The following GABPB1 variants were observed in gnomAD, a reference collection of about 807,000 sequenced individuals.
The protein encoded by GABPB1 is GA binding protein transcription factor subunit beta 1.
Under a neutral mutation model 45.9 loss-of-function variants are expected in GABPB1, and 15 were observed. The ratio of observed to expected loss-of-function variants is 0.33; its 90% CI spans 0.22 to 0.50. GABPB1 has a LOEUF of 0.50. Among genes scored for constraint, GABPB1 ranks in the 20% least tolerant of loss-of-function variants. The pLI, the probability that GABPB1 is intolerant of heterozygous loss-of-function variation, is 0.98. For missense variants in GABPB1, 252 were observed against 457.5 expected (o/e 0.55, Z 4.10); for synonymous variants, 143 against 154.4 (o/e 0.93, Z 0.55).
At chr15:50,348,459 C>T (rs1175611279) in intron 1 of GABPB1, among the ~76,000 whole-genome samples, 1 of 151,894 alleles carries the variant, frequency 6.6e-6, no homozygotes, top group Non-Finnish European at 1.5e-5. Flanking sequence ...CCATGTTGGC[C>T]AGGCTGGTCT....
At chr15:50,282,308 C>T in intron 8 of GABPB1, 1 of 455,042 alleles carries the variant, frequency 2.2e-6, no homozygotes, top group Non-Finnish European at 4.4e-6. Context: ...CCAGTAATCT[C>T]AACTCTTCAG....
At chr15:50,348,266 T>C (rs2048676485) in intron 1 of GABPB1, among the ~76,000 whole-genome samples, 1 of 152,090 alleles carries the variant, frequency 6.6e-6, no homozygotes, top group South Asian at 2.1e-4. Context: ...TTTTTAAATT[T>C]TTTTTGGAGA....
Position 50,355,010 on chromosome 15 carries a change from G to C in GABPB1, c.-26C>G, listed in dbSNP as rs1340961953. On this transcript the variant is annotated 5_prime_UTR_variant, in exon 1 of 9. Coordinates refer to ENST00000380877, the MANE Select transcript of GABPB1 (RefSeq NM_016654.5). ...CTGGAAAAGCTTCGGGAGCGGCGACGGGAAGGCAGCAGGAGGTGGTGCGGG... is the reference window on the plus strand; with the variant it reads ...CTGGAAAAGCTTCGGGAGCGGCGACCGGAAGGCAGCAGGAGGTGGTGCGGG... 1 of 155,742 alleles carries C rather than the reference G, an allele frequency of 6.4e-6. No homozygotes were observed. The highest frequency in any genetic ancestry group is 1.4e-5 in the Non-Finnish European group (1 of 70,214). 9.6% of individuals were successfully genotyped at this position (155,742 alleles called of 1,614,324 possible). A position where few individuals can be genotyped will look rare whatever the true frequency, so the allele number is the denominator to read the frequency against.
At chr15:50,301,160 C>A (rs766558247) in intron 5 of GABPB1, 97 bp downstream of exon 5, 107 of 1,489,940 alleles carry the variant, frequency 7.2e-5, no homozygotes, top group Non-Finnish European at 8.6e-5. Flanking sequence ...TCCTTTCTTA[C>A]AAGGATGAAT....
rs1489675306 is a variant in GABPB1, at chr15:50,278,550, A to G, written c.*82T>C. On this transcript the variant is annotated 3_prime_UTR_variant, in exon 9 of 9. Coordinates refer to ENST00000380877, the MANE Select transcript of GABPB1 (RefSeq NM_016654.5). ...GTCTCTTCTATCATTCTGTATTCCC[A>G]TGGCTGTACCTTTGTTGTGTACAGT... 5 of 1,112,344 alleles carry G rather than the reference A, an allele frequency of 4.5e-6. 1 individual carries two copies. In the South Asian group the frequency reaches 5.4e-5, roughly 12 times the overall value. The allele number at this position is 1,112,344 out of a possible 1,614,324, so 68.9% of individuals were successfully genotyped here.
chr15:50,345,199 A>T (rs1369345171), intron 1 of GABPB1, among the ~76,000 whole-genome samples: 3 of 152,264 alleles, frequency 2.0e-5, no homozygotes, highest in African/African-American at 4.8e-5. Flanking sequence ...AGGAGAGAAC[A>T]TTAAAAAGCC....
chr15:50,284,186 G>A (rs909211250), intron 8 of GABPB1, among the ~76,000 whole-genome samples: 3 of 151,850 alleles, frequency 2.0e-5, no homozygotes, highest in African/African-American at 2.4e-5. Context: ...GCAAAATAAC[G>A]ACTTCATGTA....
At chr15:50,307,552 A>T (rs181766652) in intron 2 of GABPB1, among the ~76,000 whole-genome samples, 70 of 152,120 alleles carry the variant, frequency 4.6e-4, no homozygotes, top group African/African-American at 1.6e-3. Context: ...AATACAAAAC[A>T]TTAGCTGGGC....
At chr15:50,349,663 G>C (rs1157613653) in intron 1 of GABPB1, 1 of 152,078 alleles carries the variant, frequency 6.6e-6, no homozygotes, top group Non-Finnish European at 1.5e-5. Flanking sequence ...CTAGAATAAG[G>C]AATCAAACAA....
intron 6 of GABPB1, among the ~76,000 whole-genome samples, chr15:50,298,753 A>T (rs1322273602): frequency 6.6e-6 from 1 of 152,166 alleles, no homozygotes; most frequent in East Asian, 1.9e-4. Flanking sequence ...GGAGTTCGAG[A>T]CCAGCTTGGC....
In GABPB1 at chr15:50,286,058, G is replaced by A. The variant is rs2046141543; in HGVS notation, c.999+10C>T. The A allele has an allele frequency of 5.0e-6, 8 of 1,611,210 alleles. No individual in the cohort carries two copies. The highest frequency in any genetic ancestry group is 5.9e-6 in the Non-Finnish European group (7 of 1,178,746). The stretch of plus-strand genomic sequence containing the variant: ...CTGCGGCAAAGCACACCGGGTAAAA[G>A]ACTCCTTACTTCTATTTCTGCAGAT... On this transcript the variant is annotated intron_variant, in intron 8 of 8. Transcript: ENST00000380877.
intron 1 of GABPB1, among the ~76,000 whole-genome samples, chr15:50,339,570 T>C (rs2048276019): frequency 6.6e-6 from 1 of 152,174 alleles, no homozygotes; most frequent in African/African-American, 2.4e-5. Flanking sequence ...AAGCTATATA[T>C]TTATCAGATA....
At chr15:50,352,151 T>A (rs912461353) in intron 1 of GABPB1, 1 of 152,182 alleles carries the variant, frequency 6.6e-6, no homozygotes, top group Non-Finnish European at 1.5e-5. Context: ...AAATTCATGA[T>A]GCAAAACTTC....
intron 5 of GABPB1, 42 bp downstream of exon 5, chr15:50,301,215 C>A: frequency 6.2e-7 from 1 of 1,612,420 alleles, no homozygotes; most frequent in South Asian, 1.1e-5. Context: ...ATATGCATCT[C>A]AATACCTGTT....
At chr15:50,289,345 A>T in intron 7 of GABPB1, 138 bp downstream of exon 7, 1 of 573,216 alleles carries the variant, frequency 1.7e-6, no homozygotes, top group Non-Finnish European at 2.9e-6. Context: ...AGGCAAAAAT[A>T]CATTCTTTGG....
intron 1 of GABPB1, among the ~76,000 whole-genome samples, chr15:50,313,816 A>T (rs1235001495): frequency 6.6e-6 from 1 of 152,180 alleles, no homozygotes; most frequent in Non-Finnish European, 1.5e-5. Flanking sequence ...TCATTTTACA[A>T]AGTTTCTAAT....
intron 1 of GABPB1, chr15:50,354,397 G>A (rs1438849078): frequency 2.2e-6 from 1 of 451,724 alleles, no homozygotes. Context: ...TGTCTGGTCC[G>A]GCCGATCCCG....
chr15:50,336,256 G>A (rs1490968213), intron 1 of GABPB1, among the ~76,000 whole-genome samples: 1 of 150,688 alleles, frequency 6.6e-6, no homozygotes, highest in Admixed American at 6.6e-5. Context: ...GGGAGGCTGA[G>A]GCAGGGAGAA....
chr15:50,283,622 T>A (rs1247914683), intron 8 of GABPB1, among the ~76,000 whole-genome samples: 1 of 152,078 alleles, frequency 6.6e-6, no homozygotes, highest in Non-Finnish European at 1.5e-5. Flanking sequence ...GCAACTCTCC[T>A]GCCTCAACCT....
Sources: allele counts gnomAD v4.1 joint callset (sites outside exome capture counted in the v4.1 genomes callset), GRCh38; gene constraint gnomAD v4.1.1; transcripts MANE v1.5; gene names NCBI Gene and HGNC (gene_info 2026-07-23, HGNC 2026-07-21).